Variants in LINC00632 observed in about 807,000 individuals in gnomAD.
The protein encoded by LINC00632 is long independently transcribed non-coding RNA 632.
chrX:140,724,090 G>A (rs1379412306), intron 2 of LINC00632, among the ~76,000 whole-genome samples: 2 of 2,860 alleles, frequency 7.0e-4, no homozygotes, highest in South Asian at 0.013. Flanking sequence ...ACACACATTC[G>A]ATACGCACAT....
chrX:140,757,291 T>C (rs929316713), intron 3 of LINC00632, among the ~76,000 whole-genome samples: 1 of 111,184 alleles, frequency 9.0e-6, no homozygotes, highest in Non-Finnish European at 1.9e-5. Flanking sequence ...GTTTAAACTA[T>C]CTAAAGTGAA....
intron 3 of LINC00632, among the ~76,000 whole-genome samples, chrX:140,742,229 AATT>A (rs775804026): frequency 8.9e-6 from 1 of 112,068 alleles, no homozygotes; most frequent in South Asian, 3.7e-4. Context: ...TTATGGTTAA[AATT>A]ATTGAGTGGA....
At chrX:140,723,659 T>TTCCATACACACACACAC in intron 2 of LINC00632, among the ~76,000 whole-genome samples, 1 of 1,933 alleles carries the variant, frequency 5.2e-4, no homozygotes, top group Non-Finnish European at 1.0e-3. Flanking sequence ...CACACACACA[T>TTCCATACACACACACAC]TCCATATACA....
chrX:140,774,736 T>A (rs189473417), exon 5 of LINC00632, among the ~76,000 whole-genome samples: 1 of 111,910 alleles, frequency 8.9e-6, no homozygotes, highest in Admixed American at 9.5e-5. Flanking sequence ...ATGATATTTA[T>A]TTTATTGTTT....
chrX:140,774,476 C>T (rs1350526031), exon 5 of LINC00632, among the ~76,000 whole-genome samples: 2 of 111,491 alleles, frequency 1.8e-5, no homozygotes, highest in Non-Finnish European at 3.8e-5. Context: ...GTAGAAACGC[C>T]GCACACAGAT....
intron 3 of LINC00632, among the ~76,000 whole-genome samples, chrX:140,742,877 G>GAGAGAGAGAGAGAA (rs1209141726): frequency 2.1e-5 from 2 of 94,410 alleles, no homozygotes; most frequent in Admixed American, 1.2e-4. Context: ...GAGAGAGAGA[G>GAGAGAGAGAGAGAA]AGGAAGGAAG....
At chrX:140,759,285 TTTCTTTCC>T (rs1461158960) in intron 3 of LINC00632, among the ~76,000 whole-genome samples, 32 of 93,968 alleles carry the variant, frequency 3.4e-4, no homozygotes, top group Non-Finnish European at 4.8e-4. Flanking sequence ...CTTTTCTTTC[TTTCTTTCC>T]TTCCTTCCTT....
chrX:140,718,002 G>A (rs1452386902), intron 2 of LINC00632, among the ~76,000 whole-genome samples: 1 of 110,172 alleles, frequency 9.1e-6, no homozygotes, highest in Admixed American at 9.8e-5. Flanking sequence ...CGGGTGTGGT[G>A]GCACACACCT....
exon 5 of LINC00632, among the ~76,000 whole-genome samples, chrX:140,787,921 A>C (rs1932040210): frequency 9.0e-6 from 1 of 110,838 alleles, no homozygotes; most frequent in African/African-American, 3.3e-5. Flanking sequence ...TGGATAAATC[A>C]TGGTATATTT....
In LINC00632 at chrX:140,771,687, T is replaced by TATA. The variant is rs768154938; in HGVS notation, n.192-391_192-390insATA. 7.2e-3 allele frequency among the ~76,000 whole-genome samples: 348 copies of TATA among 48,341 alleles called. 2 individuals carry two copies. Among genetic ancestry groups the TATA allele is most frequent in the African/African-American group, 0.032 (337 of 10,551 alleles). 42.0% of individuals were successfully genotyped at this position (48,341 alleles called of 115,157 possible). On this transcript the variant is annotated intron_variant and non_coding_transcript_variant, in intron 3 of 4. Coordinates refer to ENST00000648200, the Ensembl canonical transcript of LINC00632. ...TGTGTATATATATATATATATATAT[T>TATA]TTTTTTTTTTGAGACGGAATCTTAC... is the stretch of plus-strand genomic sequence containing the variant.
chrX:140,776,431 CA>C (rs1381309635), exon 5 of LINC00632, among the ~76,000 whole-genome samples: 1 of 112,953 alleles, frequency 8.9e-6, no homozygotes, highest in Non-Finnish European at 1.9e-5. Flanking sequence ...GCCCTCCACA[CA>C]AGGGTTTGTC....
intron 2 of LINC00632, among the ~76,000 whole-genome samples, chrX:140,723,844 A>ATACACT (rs1930824715): frequency 1.4e-5 from 1 of 72,453 alleles, no homozygotes; most frequent in African/African-American, 5.2e-5. Flanking sequence ...CACACATTCC[A>ATACACT]TACACACACA....
chrX:140,733,403 C>A (rs1271562973), intron 2 of LINC00632, among the ~76,000 whole-genome samples: 1 of 111,526 alleles, frequency 9.0e-6, no homozygotes, highest in Non-Finnish European at 1.9e-5. Flanking sequence ...AAAAAAAAAC[C>A]TGCATTTTTA....
intron 2 of LINC00632, among the ~76,000 whole-genome samples, chrX:140,724,960 CACAG>C (rs1308635872): frequency 3.1e-5 from 3 of 98,354 alleles, no homozygotes; most frequent in African/African-American, 1.1e-4. Context: ...TCCATACACA[CACAG>C]AGACACATTC....
At chrX:140,775,487 T>C (rs1931859338) in exon 5 of LINC00632, among the ~76,000 whole-genome samples, 1 of 112,147 alleles carries the variant, frequency 8.9e-6, no homozygotes, top group Non-Finnish European at 1.9e-5. Context: ...TCCCAACTGA[T>C]GTCCATTTTG....
At chrX:140,720,086 C>CA (rs777219784) in intron 2 of LINC00632, among the ~76,000 whole-genome samples, 1,024 of 56,191 alleles carry the variant, frequency 0.018, 10 homozygotes, top group African/African-American at 0.031. Context: ...GACTCCGTCT[C>CA]AAAAAAAAAA....
At chrX:140,771,653 ATG>A (rs1469349606) in intron 3 of LINC00632, among the ~76,000 whole-genome samples, 1 of 76,966 alleles carries the variant, frequency 1.3e-5, no homozygotes, top group Non-Finnish European at 2.4e-5. Context: ...ACATACATAT[ATG>A]TGTGTGTGTG....
At chrX:140,763,271 C>T (rs889712711) in intron 3 of LINC00632, among the ~76,000 whole-genome samples, 3 of 108,965 alleles carry the variant, frequency 2.8e-5, no homozygotes, top group Non-Finnish European at 3.8e-5. Context: ...GGCATAGTGG[C>T]GGGTGCCTGT....
chrX:140,723,278 C>T (rs777878323), intron 2 of LINC00632, among the ~76,000 whole-genome samples: 1 of 111,504 alleles, frequency 9.0e-6, no homozygotes, highest in African/African-American at 3.3e-5. Flanking sequence ...CACACACACA[C>T]ATTCCATACA....
Sources: gnomAD v4.1 joint callset for allele counts (sites outside exome capture counted in the v4.1 genomes callset) on GRCh38, gnomAD v4.1.1 for gene constraint, MANE v1.5 for transcripts, NCBI Gene and HGNC (gene_info 2026-07-23, HGNC 2026-07-21) for gene names.